The following NDRG4 variants were observed in gnomAD, a reference collection of about 807,000 sequenced individuals.
NDRG4 encodes the protein NDRG family member 4.
NDRG4 carries 38 observed loss-of-function variants against 55.8 expected under a neutral mutation model. The observed-to-expected ratio is 0.68, with a 90% CI of 0.53 to 0.89. The LOEUF is 0.89. NDRG4 is among the 40% of genes least tolerant of loss of function. The pLI, the probability that NDRG4 is intolerant of heterozygous loss-of-function variation, is 0.00. For missense variants in NDRG4, 455 were observed against 468.6 expected, an observed-to-expected ratio of 0.97 and a Z score of 0.27; for synonymous variants, 190 against 182.7, an observed-to-expected ratio of 1.04 and a Z score of -0.32.
At chr16:58,510,868 G>A in intron 14 of NDRG4, 185 bp downstream of exon 14, 4 of 632,726 alleles carry the variant, frequency 6.3e-6, no homozygotes, top group Middle Eastern at 4.2e-4. Context: ...AGGTTGGCTG[G>A]GTTGCAGAGC....
intron 10 of NDRG4, among the ~76,000 whole-genome samples, chr16:58,508,362 A>G (rs1467770767): frequency 6.6e-6 from 1 of 152,168 alleles, no homozygotes; most frequent in Admixed American, 6.5e-5. Flanking sequence ...TAACGCATAC[A>G]GCGGCACGGT....
In NDRG4 at chr16:58,464,673, C is replaced by A; in HGVS notation, c.-24+876C>A. On this transcript the variant is annotated intron_variant, in intron 1 of 15. Coordinates refer to the NDRG4 transcript ENST00000258187. This position sits in a 1 kb window ranked among gnomAD's most constrained non-coding sequence, Gnocchi z 4.8. ...TGTGGCGAGTCCCTGGCGCTGGCGT[C>A]CGGGCTGCGGGAGCACCGGTCAGGG... 9.2e-7 allele frequency: 1 copy of A among 1,083,248 alleles called. No homozygotes were observed. Among genetic ancestry groups the A allele is most frequent in the African/African-American group, 1.6e-5 (1 of 60,788 alleles). The allele number at this position is 1,083,248 out of a possible 1,614,324, so 67.1% of individuals were successfully genotyped here.
intron 2 of NDRG4, among the ~76,000 whole-genome samples, chr16:58,492,106 G>A (rs185491876): frequency 6.6e-6 from 1 of 152,300 alleles, no homozygotes; most frequent in East Asian, 1.9e-4. Context: ...TAAATGTTCT[G>A]CCATTTGCCA....
At chr16:58,466,545 C>T (rs756949342) in intron 1 of NDRG4, among the ~76,000 whole-genome samples, 10 of 152,322 alleles carry the variant, frequency 6.6e-5, no homozygotes, top group Middle Eastern at 3.4e-3. Flanking sequence ...CAGATTCTGG[C>T]GGGCTTTCTA....
intron 2 of NDRG4, 93 bp downstream of exon 2, chr16:58,503,996 C>T: frequency 1.3e-6 from 2 of 1,545,310 alleles, no homozygotes; most frequent in African/African-American, 1.4e-5. Context: ...CCTGTCAGCC[C>T]CACTCACACT....
chr16:58,478,693 T>A (rs1567575082), intron 1 of NDRG4, among the ~76,000 whole-genome samples: 1 of 14,346 alleles, frequency 7.0e-5, no homozygotes, highest in Non-Finnish European at 1.1e-4. Flanking sequence ...CTTTTTTGTT[T>A]TTTGTTTTTT....
At chr16:58,477,548 T>C (rs2033828866) in intron 1 of NDRG4, among the ~76,000 whole-genome samples, 1 of 152,034 alleles carries the variant, frequency 6.6e-6, no homozygotes, top group Non-Finnish European at 1.5e-5. Context: ...GTAAAATAAA[T>C]ATCCATGAGT....
intron 1 of NDRG4, among the ~76,000 whole-genome samples, chr16:58,484,002 C>T (rs979872524): frequency 2.0e-5 from 3 of 152,118 alleles, no homozygotes; most frequent in Non-Finnish European, 4.4e-5. Context: ...TCCAGGAGTT[C>T]GAGGCTGCTG....
chr16:58,483,374 A>G (rs915847787), intron 1 of NDRG4, among the ~76,000 whole-genome samples: 2 of 152,098 alleles, frequency 1.3e-5, no homozygotes, highest in Admixed American at 6.5e-5. Flanking sequence ...CTTTAAAAAA[A>G]AAAGAAGAAG....
At chr16:58,482,722 TC>T (rs2034596203) in intron 1 of NDRG4, among the ~76,000 whole-genome samples, 2 of 117,384 alleles carry the variant, frequency 1.7e-5, no homozygotes, top group African/African-American at 6.4e-5. Flanking sequence ...CCTTCCTCCC[TC>T]CCTCCCTCCC....
At chr16:58,471,754 G>A (rs1251286682) in intron 1 of NDRG4, among the ~76,000 whole-genome samples, 1 of 152,162 alleles carries the variant, frequency 6.6e-6, no homozygotes, top group Non-Finnish European at 1.5e-5. Context: ...CCTGTTGGCG[G>A]GGGTGGTCGG....
intron 1 of NDRG4, among the ~76,000 whole-genome samples, chr16:58,471,170 G>T (rs1378577811): frequency 7.2e-6 from 1 of 138,094 alleles, no homozygotes; most frequent in African/African-American, 2.7e-5. Context: ...AACTATAAGA[G>T]AATGAATGTG....
intron 1 of NDRG4, among the ~76,000 whole-genome samples, chr16:58,480,357 G>C (rs1414462881): frequency 6.6e-6 from 1 of 152,160 alleles, no homozygotes; most frequent in African/African-American, 2.4e-5. Context: ...CTGACCTCAA[G>C]TGATCTGCCT....
chr16:58,503,324 G>T (rs950903132), intron 1 of NDRG4, among the ~76,000 whole-genome samples: 2 of 152,194 alleles, frequency 1.3e-5, no homozygotes, highest in Non-Finnish European at 2.9e-5. Flanking sequence ...GGGCAGTGCC[G>T]GGGTCGGGGC....
intron 1 of NDRG4, among the ~76,000 whole-genome samples, chr16:58,503,094 C>T (rs1450983380): frequency 6.6e-6 from 1 of 152,196 alleles, no homozygotes; most frequent in Non-Finnish European, 1.5e-5. Flanking sequence ...AGGGGTAGAA[C>T]CAGGTCTTCC....
At position 58,504,140 on chromosome 16, in the gene NDRG4, G is replaced by T; in HGVS notation, c.128-14G>T. 1.9e-6 allele frequency: 3 copies of T among 1,613,990 alleles called. No homozygotes were observed. The highest frequency in any genetic ancestry group is 2.5e-6 in the Non-Finnish European group (3 of 1,180,012). On this transcript the variant is annotated splice_polypyrimidine_tract_variant and intron_variant, in intron 2 of 14. Coordinates refer to ENST00000570248, the MANE Select transcript of NDRG4 (RefSeq NM_001242835.2). ...GCCCCTCTGCTCAGCCATAGTGGAAGTGTGTCTTTGCAGACAAACTATGCT... is the reference window on the plus strand; with the variant it reads ...GCCCCTCTGCTCAGCCATAGTGGAATTGTGTCTTTGCAGACAAACTATGCT...
chr16:58,484,050 T>G (rs538218508), intron 1 of NDRG4, among the ~76,000 whole-genome samples: 18 of 149,288 alleles, frequency 1.2e-4, no homozygotes, highest in African/African-American at 2.5e-4. Context: ...AGCCTAGAGT[T>G]TGCTTAGAGC....
At position 58,507,985 on chromosome 16, in the gene NDRG4, G is replaced by A. The variant is rs149936678; in HGVS notation, c.715G>A (p.Ala239Thr). The A allele has an allele frequency of 6.4e-4, 1,012 of 1,581,396 alleles. 1 individual carries two copies. Among genetic ancestry groups the A allele is most frequent in the Non-Finnish European group, 7.9e-4 (916 of 1,160,844 alleles). Residue 239 changes from alanine (A) to threonine (T), a missense_variant, in exon 10 of 15, where the codon GCT (alanine) becomes ACT (threonine). Coordinates refer to ENST00000570248, the MANE Select transcript of NDRG4 (RefSeq NM_001242835.2). ...GCTGGTGGTTGGGGATAATGCACCC[G>A]CTGAGGACGGGGTGGTAAGTGAGGG... ...VMLVVGDNAP[A>T]EDGVVECNSK...
Position 58,510,693 on chromosome 16 carries a change from C to A in NDRG4, c.904+10C>A. The stretch of plus-strand genomic sequence containing the variant: ...CTGAGTGGAGGAGCAGGTAGCCCCA[C>A]GGCCCTTCCCCTGATGCATGGACGC... On this transcript the variant is annotated intron_variant, in intron 14 of 14. Transcript: ENST00000570248. The A allele has an allele frequency of 2.0e-6, 3 of 1,535,842 alleles. No individual in the cohort carries two copies. The highest frequency in any genetic ancestry group is 1.2e-5 in the South Asian group (1 of 84,060).
Sources: allele counts gnomAD v4.1 joint callset (sites outside exome capture counted in the v4.1 genomes callset), GRCh38; gene constraint gnomAD v4.1.1; non-coding constraint Gnocchi (gnomAD v3.1); transcripts MANE v1.5; gene names NCBI Gene and HGNC (gene_info 2026-07-23, HGNC 2026-07-21).